The following TCF12 variants were observed in gnomAD, a reference collection of about 807,000 sequenced individuals.
The protein encoded by TCF12 is DNA-binding protein HTF4.
In TCF12, 45 loss-of-function variants were observed where a neutral mutation model predicts 86.0. The observed-to-expected ratio is 0.52, with a 90% CI of 0.41 to 0.67. TCF12 has a LOEUF of 0.67. Among genes scored for constraint, TCF12 ranks in the 30% least tolerant of loss-of-function variants. TCF12 has a pLI of 0.00. For missense variants in TCF12, 881 were observed against 859.9 expected, an observed-to-expected ratio of 1.02 and a Z score of -0.31; for synonymous variants, 330 against 299.6, an observed-to-expected ratio of 1.10 and a Z score of -1.05.
At chr15:57,176,019 G>A (rs1597078148) in intron 6 of TCF12, among the ~76,000 whole-genome samples, 1 of 152,116 alleles carries the variant, frequency 6.6e-6, no homozygotes, top group African/African-American at 2.4e-5. Flanking sequence ...ATAGATTACA[G>A]TACCTATTGT....
intron 3 of TCF12, among the ~76,000 whole-genome samples, chr15:56,940,528 TTC>T (rs2060694991): frequency 4.9e-5 from 7 of 142,468 alleles, no homozygotes; most frequent in African/African-American, 1.8e-4. Context: ...CTCCTTCTTC[TTC>T]TCCTTCTTCT....
At chr15:57,237,144 A>AGTGTGTGT (rs762819273) in intron 12 of TCF12, among the ~76,000 whole-genome samples, 3 of 135,460 alleles carry the variant, frequency 2.2e-5, no homozygotes, top group African/African-American at 7.7e-5. Context: ...AAAGAGAGAG[A>AGTGTGTGT]GAGAGTGTGT....
At chr15:57,094,304 A>G (rs1336665937) in intron 5 of TCF12, among the ~76,000 whole-genome samples, 1 of 152,214 alleles carries the variant, frequency 6.6e-6, no homozygotes, top group Non-Finnish European at 1.5e-5. Flanking sequence ...AAAGAAATTC[A>G]CTGGTCATTG....
At chr15:56,949,339 AAACTTTGTTTT>A (rs1450399721) in intron 3 of TCF12, among the ~76,000 whole-genome samples, 1 of 152,228 alleles carries the variant, frequency 6.6e-6, no homozygotes, top group Non-Finnish European at 1.5e-5. Flanking sequence ...CTTTTTAAAA[AAACTTTGTTTT>A]ATTTAATATT....
rs762522296 is a variant in TCF12, at chr15:56,977,545, C to CTGTG, written c.148+56463_148+56466dup. 6.6e-3 allele frequency among the ~76,000 whole-genome samples: 982 copies of CTGTG among 148,232 alleles called. 3 individuals carry two copies. The highest frequency in any genetic ancestry group is 0.011 in the Non-Finnish European group (732 of 67,392). ...ACAGTTAATTTAAAAATTCGATATT[C>CTGTG]TGTGTGTGTGTGTGTGTGTATGTAT... is the stretch of plus-strand genomic sequence containing the variant. On this transcript the variant is annotated intron_variant, in intron 3 of 20. Transcript: ENST00000333725.
chr15:57,143,542 G>T (rs1360468325), intron 5 of TCF12, among the ~76,000 whole-genome samples: 1 of 152,134 alleles, frequency 6.6e-6, no homozygotes, highest in Non-Finnish European at 1.5e-5. Context: ...TTAAAAAATG[G>T]ATTTTGTGTT....
At chr15:57,236,618 G>T (rs1373546525) in intron 12 of TCF12, among the ~76,000 whole-genome samples, 2 of 152,106 alleles carry the variant, frequency 1.3e-5, no homozygotes, top group East Asian at 3.9e-4. Flanking sequence ...AACATCAGAG[G>T]GTACAACCTT....
chr15:56,963,027 CTTTTTTTTTTTTT>C (rs532973260), intron 3 of TCF12, among the ~76,000 whole-genome samples: 1 of 96,238 alleles, frequency 1.0e-5, no homozygotes, highest in Admixed American at 1.1e-4. Context: ...GTGTTAAGGT[CTTTTTTTTTTTTT>C]TTTTTTTTTA....
upstream of TCF12, chr15:56,918,359 AC>A: frequency 9.6e-6 from 4 of 417,050 alleles, no homozygotes; most frequent in East Asian, 1.5e-4. Flanking sequence ...GCGCCACGGT[AC>A]CTGCCACCCC....
At chr15:57,170,728 AT>A (rs60292781) in intron 6 of TCF12, among the ~76,000 whole-genome samples, 40 of 1,818 alleles carry the variant, frequency 0.022, 2 homozygotes, top group Non-Finnish European at 0.039. Context: ...TATATTATAT[AT>A]TATATATAAT....
chr15:56,941,322 G>A (rs544565789), intron 3 of TCF12, among the ~76,000 whole-genome samples: 16 of 151,948 alleles, frequency 1.1e-4, no homozygotes, highest in South Asian at 4.2e-4. Flanking sequence ...AGCCAAGATC[G>A]TGCCACTGCA....
At chr15:56,982,807 T>A (rs2062958726) in intron 3 of TCF12, among the ~76,000 whole-genome samples, 1 of 152,200 alleles carries the variant, frequency 6.6e-6, no homozygotes, top group African/African-American at 2.4e-5. Context: ...AAAAAGTAAC[T>A]GCTAATTGAG....
chr15:57,090,169 T>A (rs921988781), intron 4 of TCF12, among the ~76,000 whole-genome samples: 6 of 152,070 alleles, frequency 3.9e-5, no homozygotes, highest in Admixed American at 6.5e-5. Context: ...TCAGCAGTGA[T>A]CACGCCACTG....
In TCF12 at chr15:57,257,920, C is replaced by T. The variant is rs561449479; in HGVS notation, c.1468-4174C>T. 3.3e-5 allele frequency among the ~76,000 whole-genome samples: 5 copies of T among 152,120 alleles called. No homozygotes were observed. The East Asian group carries it at 5.8e-4, about 18-fold the overall frequency. On this transcript the variant is annotated intron_variant, in intron 16 of 20. Coordinates refer to ENST00000333725, the MANE Select transcript of TCF12 (RefSeq NM_207037.2). ...TCAGCATTTGGCTTTAGTTTTGTTC[C>T]CATTTATTTAGCGTAAGGCTAAACT...
intron 3 of TCF12, among the ~76,000 whole-genome samples, chr15:56,980,483 G>A (rs1270560688): frequency 3.9e-5 from 6 of 152,050 alleles, no homozygotes; most frequent in Non-Finnish European, 8.8e-5. Context: ...GGCTGCTGGC[G>A]CCCTTACTGT....
At chr15:56,960,817 T>C (rs2061714395) in intron 3 of TCF12, among the ~76,000 whole-genome samples, 1 of 152,160 alleles carries the variant, frequency 6.6e-6, no homozygotes, top group South Asian at 2.1e-4. Context: ...AATATTTGGA[T>C]TCTCAACCTT....
intron 3 of TCF12, among the ~76,000 whole-genome samples, chr15:57,027,652 C>T (rs1457656929): frequency 2.0e-5 from 3 of 151,942 alleles, no homozygotes; most frequent in East Asian, 3.9e-4. Context: ...TTAAAGTGAT[C>T]GTACCACTTT....
chr15:56,919,221 T>G (rs2140146184), intron 1 of TCF12: 1 of 151,938 alleles, frequency 6.6e-6, no homozygotes, highest in Admixed American at 6.5e-5. Context: ...AGGCTCATTG[T>G]TCGGCAGGTC....
intron 3 of TCF12, among the ~76,000 whole-genome samples, chr15:56,944,062 T>C (rs1240002222): frequency 1.3e-5 from 2 of 152,196 alleles, no homozygotes; most frequent in Non-Finnish European, 2.9e-5. Flanking sequence ...TTGTTTTCTT[T>C]CTGAAGATAA....
Sources: gnomAD v4.1 joint callset for allele counts (sites outside exome capture counted in the v4.1 genomes callset) on GRCh38, gnomAD v4.1.1 for gene constraint, MANE v1.5 for transcripts, NCBI Gene and HGNC (gene_info 2026-07-23, HGNC 2026-07-21) for gene names.